Variants in RHOJ observed in about 807,000 individuals in gnomAD.
RHOJ encodes ras homolog family member J.
Under a neutral mutation model 23.4 loss-of-function variants are expected in RHOJ, and 11 were observed. The observed-to-expected ratio is 0.47, with a 90% confidence interval of 0.30 to 0.78. The LOEUF is 0.78. Among genes scored for constraint, RHOJ ranks in the 30% least tolerant of loss-of-function variants. The pLI, the probability that RHOJ is intolerant of heterozygous loss-of-function variation, is 0.08. For synonymous variants in RHOJ, 102 were observed against 102.7 expected (o/e 0.99, Z 0.04); for missense variants, 254 against 273.4 (o/e 0.93, Z 0.50).
intron 1 of RHOJ, among the ~76,000 whole-genome samples, chr14:63,240,645 C>CA (rs764779640): frequency 7.3e-5 from 11 of 151,626 alleles, no homozygotes; most frequent in Admixed American, 2.0e-4. Context: ...TGTCAAAATA[C>CA]AAAAAAAAGC....
chr14:63,227,111 C>T (rs1644108424), intron 1 of RHOJ, among the ~76,000 whole-genome samples: 1 of 152,082 alleles, frequency 6.6e-6, no homozygotes, highest in African/African-American at 2.4e-5. Flanking sequence ...GCCACCATGC[C>T]CAGCTGATTT....
chr14:63,230,716 C>CAT (rs1258285491), intron 1 of RHOJ, among the ~76,000 whole-genome samples: 1 of 148,250 alleles, frequency 6.7e-6, no homozygotes, highest in African/African-American at 2.5e-5. Flanking sequence ...CACACACACA[C>CAT]ACATACACAC....
intron 2 of RHOJ, among the ~76,000 whole-genome samples, chr14:63,276,692 G>A (rs1316656483): frequency 1.3e-5 from 2 of 152,192 alleles, no homozygotes; most frequent in African/African-American, 4.8e-5. Flanking sequence ...GGCCAGGAGG[G>A]TAAATGATCA....
chr14:63,221,092 T>G (rs1894482493), intron 1 of RHOJ, among the ~76,000 whole-genome samples: 1 of 151,242 alleles, frequency 6.6e-6, no homozygotes, highest in Non-Finnish European at 1.5e-5. Flanking sequence ...ACTTTGGGAG[T>G]CGAAGGCAGA....
intron 3 of RHOJ, 33 bp downstream of exon 3, chr14:63,281,168 G>C: frequency 6.4e-7 from 1 of 1,566,804 alleles, no homozygotes; most frequent in South Asian, 1.2e-5. Flanking sequence ...GGTGGAGCGG[G>C]CTGCAAAAAT....
chr14:63,283,826 C>G (rs571055862), intron 4 of RHOJ, among the ~76,000 whole-genome samples: 20 of 152,292 alleles, frequency 1.3e-4, no homozygotes, highest in Non-Finnish European at 2.4e-4. Flanking sequence ...TTTCTTCCTT[C>G]TTGAGAGCTT....
At chr14:63,221,989 A>C (rs1442370337) in intron 1 of RHOJ, among the ~76,000 whole-genome samples, 5 of 107,796 alleles carry the variant, frequency 4.6e-5, no homozygotes, top group African/African-American at 1.1e-4. Context: ...CCACCCAAAA[A>C]CAGGCCCCGG....
chr14:63,277,731 T>G (rs768173838), intron 2 of RHOJ, among the ~76,000 whole-genome samples: 8 of 152,106 alleles, frequency 5.3e-5, no homozygotes, highest in Non-Finnish European at 1.2e-4. Flanking sequence ...GATGGGAGCA[T>G]GCAGTGGCAG....
chr14:63,233,052 G>A (rs1217710337), intron 1 of RHOJ, among the ~76,000 whole-genome samples: 1 of 152,056 alleles, frequency 6.6e-6, no homozygotes, highest in African/African-American at 2.4e-5. Context: ...CAAAGTTGAG[G>A]AGAGTAGCCA....
chr14:63,231,162 T>G (rs1894687953), intron 1 of RHOJ, among the ~76,000 whole-genome samples: 1 of 152,204 alleles, frequency 6.6e-6, no homozygotes. Context: ...GTGCTAGGAT[T>G]ACATGTGTGA....
At chr14:63,210,254 C>A (rs570108830) in intron 1 of RHOJ, among the ~76,000 whole-genome samples, 1 of 152,252 alleles carries the variant, frequency 6.6e-6, no homozygotes, top group East Asian at 1.9e-4. Context: ...ACCACCACGC[C>A]CAGCCAGCAT....
chr14:63,215,808 A>G (rs1172887659), intron 1 of RHOJ, among the ~76,000 whole-genome samples: 3 of 152,132 alleles, frequency 2.0e-5, no homozygotes, highest in Non-Finnish European at 4.4e-5. Flanking sequence ...TAGAATATAT[A>G]ATTCCTGAAG....
At chr14:63,221,203 G>A (rs1262882374) in intron 1 of RHOJ, among the ~76,000 whole-genome samples, 1 of 152,124 alleles carries the variant, frequency 6.6e-6, no homozygotes, top group East Asian at 1.9e-4. Context: ...GGTGGTGCAT[G>A]GTTGTGGTCC....
At chr14:63,207,124 T>C (rs1327186495) in intron 1 of RHOJ, among the ~76,000 whole-genome samples, 1 of 151,624 alleles carries the variant, frequency 6.6e-6, no homozygotes, top group African/African-American at 2.4e-5. Flanking sequence ...TTCCACCTCC[T>C]GGGTTCAAGC....
At chr14:63,244,569 A>G (rs1894942684) in intron 1 of RHOJ, among the ~76,000 whole-genome samples, 1 of 152,124 alleles carries the variant, frequency 6.6e-6, no homozygotes, top group Non-Finnish European at 1.5e-5. Flanking sequence ...CAAGAGCAAA[A>G]CTCTGTCTAA....
intron 1 of RHOJ, among the ~76,000 whole-genome samples, chr14:63,268,081 A>G (rs1177779857): frequency 3.3e-5 from 5 of 152,254 alleles, no homozygotes; most frequent in Non-Finnish European, 7.3e-5. Flanking sequence ...TATTCAGTTT[A>G]TCTTTCATTT....
chr14:63,208,794 C>T (rs573887880), intron 1 of RHOJ, among the ~76,000 whole-genome samples: 4 of 152,204 alleles, frequency 2.6e-5, no homozygotes, highest in East Asian at 1.9e-4. Flanking sequence ...ATCCTGATAA[C>T]GGCAAAACTT....
At chr14:63,215,397 C>A (rs1008972324) in intron 1 of RHOJ, among the ~76,000 whole-genome samples, 4 of 152,170 alleles carry the variant, frequency 2.6e-5, no homozygotes, top group Non-Finnish European at 4.4e-5. Flanking sequence ...ATCCAGATTG[C>A]CAACAAGAGA....
At chr14:63,290,606 A>C (rs1882214513) in intron 4 of RHOJ, among the ~76,000 whole-genome samples, 1 of 152,080 alleles carries the variant, frequency 6.6e-6, no homozygotes, top group Non-Finnish European at 1.5e-5. Flanking sequence ...GCTATGGGTC[A>C]ATTTTAGGAT....
Sources: gnomAD v4.1 joint callset for allele counts (sites outside exome capture counted in the v4.1 genomes callset) on GRCh38, gnomAD v4.1.1 for gene constraint, MANE v1.5 for transcripts, NCBI Gene and HGNC (gene_info 2026-07-23, HGNC 2026-07-21) for gene names.